KIAA0586: variants seen among roughly 807,000 people sequenced by gnomAD.
KIAA0586 encodes the protein protein TALPID3.
A neutral mutation model predicts 169.8 loss-of-function variants in KIAA0586; 144 were observed. The ratio of observed to expected loss-of-function variants is 0.85; its 90% confidence interval spans 0.74 to 0.97. The LOEUF is 0.97. Ranked by LOEUF, KIAA0586 falls within the 50% of genes least tolerant of loss-of-function variation. KIAA0586 has a pLI of 0.00. For missense variants in KIAA0586, 1,854 were observed against 1,823.0 expected (o/e 1.02, Z -0.31); for synonymous variants, 625 against 612.4 (o/e 1.02, Z -0.30).
chr14:58,454,736 T>C (rs906318752), intron 9 of KIAA0586, among the ~76,000 whole-genome samples: 1 of 152,176 alleles, frequency 6.6e-6, no homozygotes, highest in Non-Finnish European at 1.5e-5. Context: ...GCCGGGTTGG[T>C]TTCTTTTGAG....
rs971246147 is a variant in KIAA0586 at position 58,551,044 on chromosome 14, C to G, written c.*3112C>G. On this transcript the variant is annotated 3_prime_UTR_variant, in exon 31 of 31. Transcript: ENST00000652326. Reference sequence around the variant, plus strand: ...TCTCTACTAAAAATACAAAAATTAGCCAGGCATGGTGGCGTGTGCCTGTAA... The same window carrying G: ...TCTCTACTAAAAATACAAAAATTAGGCAGGCATGGTGGCGTGTGCCTGTAA... The G allele has an allele frequency of 2.6e-5, 4 of 151,842 alleles. No homozygotes were observed. Among genetic ancestry groups the G allele is most frequent in the African/African-American group, 7.3e-5 (3 of 41,268 alleles). 9.4% of individuals were successfully genotyped at this position (151,842 alleles called of 1,614,324 possible).
chr14:58,560,973 A>G, the KIAA0586 span, among the ~76,000 whole-genome samples: 4 of 152,218 alleles, frequency 2.6e-5, no homozygotes, highest in African/African-American at 4.8e-5. Context: ...TATAGTTCCC[A>G]AAGAATTAAC....
chr14:58,506,663 G>A (rs1233377887), intron 27 of KIAA0586, among the ~76,000 whole-genome samples: 1 of 151,158 alleles, frequency 6.6e-6, no homozygotes, highest in Non-Finnish European at 1.5e-5. Flanking sequence ...CTCCAGCCTG[G>A]GTGAGTGAGT....
At position 58,463,154 on chromosome 14, in the gene KIAA0586, C is replaced by T. The variant is rs368218253; in HGVS notation, c.2059+1994C>T. Among the ~76,000 whole-genome samples, 8 of 152,292 alleles carry T rather than the reference C, an allele frequency of 5.3e-5. 1 individual carries two copies. The highest frequency in any genetic ancestry group is 4.8e-5 in the African/African-American group (2 of 41,556). On this transcript the variant is annotated intron_variant, in intron 14 of 30. Coordinates refer to ENST00000652326, the MANE Select transcript of KIAA0586 (RefSeq NM_001329943.3). ...TTCTCTCTCTCAATTCTTCCGTCTC[C>T]GCTCTTAGATGATAGCTCCTTAGAG... is the stretch of plus-strand genomic sequence containing the variant.
intron 21 of KIAA0586, among the ~76,000 whole-genome samples, chr14:58,486,475 A>G (rs2042450368): frequency 6.6e-6 from 1 of 152,108 alleles, no homozygotes; most frequent in Non-Finnish European, 1.5e-5. Context: ...AATGGTCTCA[A>G]AAGAAGACAT....
chr14:58,440,025 T>C (rs935828390), intron 4 of KIAA0586: 3 of 227,394 alleles, frequency 1.3e-5, no homozygotes, highest in African/African-American at 7.2e-5. Flanking sequence ...TTGTTTTCAT[T>C]TCAGGGTCTT....
intron 27 of KIAA0586, among the ~76,000 whole-genome samples, chr14:58,503,923 G>C (rs890816535): frequency 6.6e-6 from 1 of 152,006 alleles, no homozygotes; most frequent in African/African-American, 2.4e-5. Flanking sequence ...GTCATGAAAA[G>C]CCCTGGATTA....
At chr14:58,512,467 ATTT>A (rs1298461476) in intron 28 of KIAA0586, 52 bp from the exon 29 acceptor site, 1 of 972,338 alleles carries the variant, frequency 1.0e-6, no homozygotes, top group Non-Finnish European at 1.5e-6. Flanking sequence ...GACTTCTCAG[ATTT>A]TTTTAAGTAA....
At chr14:58,489,394 A>G (rs1407600293) in intron 24 of KIAA0586, among the ~76,000 whole-genome samples, 2 of 151,626 alleles carry the variant, frequency 1.3e-5, no homozygotes, top group Non-Finnish European at 2.9e-5. Flanking sequence ...TAACTTTTAT[A>G]TTTTTTGTAG....
At chr14:58,520,510 T>TTTG (rs56230772) in intron 29 of KIAA0586, among the ~76,000 whole-genome samples, 2,420 of 150,484 alleles carry the variant, frequency 0.016, 50 homozygotes, top group African/African-American at 0.046. Context: ...TTTTTGGGGT[T>TTTG]TTGTTGTTGT....
intron 4 of KIAA0586, chr14:58,442,052 G>C (rs950107235): frequency 6.6e-6 from 1 of 152,188 alleles, no homozygotes; most frequent in Non-Finnish European, 1.5e-5. Flanking sequence ...GCCTTTAGGA[G>C]TAAAGCTTGG....
intron 20 of KIAA0586, among the ~76,000 whole-genome samples, chr14:58,481,594 A>T (rs934436313): frequency 2.6e-5 from 4 of 152,130 alleles, no homozygotes; most frequent in African/African-American, 9.7e-5. Flanking sequence ...AGGGCATTTA[A>T]TGTGCCCATT....
intron 29 of KIAA0586, among the ~76,000 whole-genome samples, chr14:58,529,336 T>G (rs2045805124): frequency 6.6e-6 from 1 of 152,196 alleles, no homozygotes; most frequent in African/African-American, 2.4e-5. Context: ...AAAGAGAGAC[T>G]GCTCCCTTAC....
the KIAA0586 span, among the ~76,000 whole-genome samples, chr14:58,559,099 G>T: frequency 6.6e-6 from 1 of 152,202 alleles, no homozygotes; most frequent in East Asian, 1.9e-4. Flanking sequence ...CCTAAACTCT[G>T]TCCTTCCAGT....
chr14:58,487,657 A>G (rs953825544), intron 22 of KIAA0586, among the ~76,000 whole-genome samples: 1 of 152,116 alleles, frequency 6.6e-6, no homozygotes, highest in Non-Finnish European at 1.5e-5. Context: ...TACTTTAAGT[A>G]TATGGTGGTA....
intron 27 of KIAA0586, among the ~76,000 whole-genome samples, chr14:58,502,823 G>A (rs1294819723): frequency 6.6e-6 from 1 of 152,084 alleles, no homozygotes; most frequent in Non-Finnish European, 1.5e-5. Flanking sequence ...TTTTCTCCTG[G>A]TGACCACAGA....
chr14:58,558,502 A>G, the KIAA0586 span, among the ~76,000 whole-genome samples: 2 of 152,214 alleles, frequency 1.3e-5, no homozygotes, highest in African/African-American at 4.8e-5. Flanking sequence ...TTCATGGAAT[A>G]CTTAGATCCT....
intron 29 of KIAA0586, among the ~76,000 whole-genome samples, chr14:58,513,777 A>G (rs988503247): frequency 6.6e-6 from 1 of 152,010 alleles, no homozygotes; most frequent in Non-Finnish European, 1.5e-5. Flanking sequence ...TTCGCAGTCA[A>G]TGATAGTTTC....
chr14:58,461,591 C>T (rs370553016), intron 14 of KIAA0586, among the ~76,000 whole-genome samples: 2 of 152,020 alleles, frequency 1.3e-5, no homozygotes, highest in Non-Finnish European at 2.9e-5. Flanking sequence ...CACACTACCA[C>T]GCCTGGCTAA....
Sources: gnomAD v4.1 joint callset for allele counts (sites outside exome capture counted in the v4.1 genomes callset) on GRCh38, gnomAD v4.1.1 for gene constraint, MANE v1.5 for transcripts, NCBI Gene and HGNC (gene_info 2026-07-23, HGNC 2026-07-21) for gene names.